The following PCDH15 variants were observed in gnomAD, a reference collection of about 807,000 sequenced individuals.
PCDH15 encodes the protein protocadherin related 15.
Under a neutral mutation model 178.5 loss-of-function variants are expected in PCDH15, and 129 were observed. The observed-to-expected ratio is 0.72, with a 90% CI of 0.63 to 0.84. The LOEUF is 0.84. Among genes scored for constraint, PCDH15 ranks in the 40% least tolerant of loss-of-function variants. The probability of loss-of-function intolerance (pLI) is 0.00; values close to 1 mark genes in which losing one functional copy is unlikely to be tolerated. For missense variants in PCDH15, 2,230 were observed against 2,099.9 expected (o/e 1.06, Z -1.21); for synonymous variants, 800 against 732.0 (o/e 1.09, Z -1.50).
intron 2 of PCDH15, among the ~76,000 whole-genome samples, chr10:54,978,144 A>T (rs2131900910): frequency 6.6e-6 from 1 of 152,272 alleles, no homozygotes; most frequent in Admixed American, 6.6e-5. Context: ...ATGAAATAAT[A>T]ATGTTATGAC....
intron 28 of PCDH15, among the ~76,000 whole-genome samples, chr10:53,841,709 G>A (rs1425308455): frequency 1.3e-5 from 2 of 152,012 alleles, no homozygotes; most frequent in South Asian, 2.1e-4. Context: ...ACCACTCCAC[G>A]CCCACTGGTC....
chr10:54,421,658 T>TGG lies in PCDH15; in HGVS notation c.158-42717_158-42716insCC, dbSNP rs1350830789. Among the ~76,000 whole-genome samples, 242 of 96,656 alleles carry TGG rather than the reference T, an allele frequency of 2.5e-3. 6 individuals carry two copies. The highest frequency in any genetic ancestry group is 7.1e-3 in the African/African-American group (176 of 24,882). The allele number at this position is 96,656 out of a possible 152,430, so 63.4% of individuals were successfully genotyped here. ...GCCTACATTTATATATGTACATGTG[T>TGG]AGTGTATATATACATATATATATAT... is the stretch of plus-strand genomic sequence containing the variant. On this transcript the variant is annotated intron_variant, in intron 3 of 37. Transcript: ENST00000644397.
chr10:55,545,404 T>C (rs1272116452), intron 2 of PCDH15, among the ~76,000 whole-genome samples: 1 of 152,052 alleles, frequency 6.6e-6, no homozygotes, highest in East Asian at 1.9e-4. Context: ...GCCTCCCTAG[T>C]AGCTGGGATT....
rs3070713 is a variant in PCDH15, at chr10:54,462,476, CTTTCT to C, written c.157+65331_157+65335del. On this transcript the variant is annotated intron_variant, in intron 3 of 37. Transcript: ENST00000644397. ...GCTCCTATTTGTTAATCCTTTCTTT[CTTTCT>C]TTTCTTTTCTTTTCTTTTTCTTTTT... Among the ~76,000 whole-genome samples, 163 of 123,924 alleles carry C rather than the reference CTTTCT, an allele frequency of 1.3e-3. 1 individual carries two copies. The highest frequency in any genetic ancestry group is 8.8e-3 in the Middle Eastern group (2 of 226). The allele number at this position is 123,924 out of a possible 152,430, so 81.3% of individuals were successfully genotyped here.
intron 29 of PCDH15, among the ~76,000 whole-genome samples, chr10:53,837,893 A>C (rs1291584481): frequency 1.3e-5 from 2 of 152,008 alleles, no homozygotes; most frequent in Non-Finnish European, 2.9e-5. Flanking sequence ...CAAGGTGAAG[A>C]CTGCTAAGGC....
At position 55,431,729 on chromosome 10, in the gene PCDH15, C is replaced by T. The variant is rs987168119; in HGVS notation, c.-156+195896G>A. Among the ~76,000 whole-genome samples, 64 of 152,136 alleles carry T rather than the reference C, an allele frequency of 4.2e-4. 1 individual carries two copies. Among genetic ancestry groups the T allele is most frequent in the African/African-American group, 1.4e-3 (60 of 41,508 alleles). On this transcript the variant is annotated intron_variant, in intron 2 of 5. Transcript: ENST00000613346. ...ATGTGTTTTCCAAAATTCTATGTTA[C>T]TTTTAATGGAATATTTCATGTATCC...
Position 54,648,987 on chromosome 10 carries a change from A to G in PCDH15, c.91+15185T>C, listed in dbSNP as rs558209922. 5.9e-5 allele frequency among the ~76,000 whole-genome samples: 9 copies of G among 152,268 alleles called. No homozygotes were observed. In the South Asian group the frequency reaches 1.9e-3, roughly 32 times the overall value. On this transcript the variant is annotated intron_variant, in intron 2 of 37. Transcript: ENST00000644397. ...ATCTCATCAGTATTCCAATTGTTCA[A>G]TGAAGAAACATATTAAATGCAAACT...
intron 1 of PCDH15, among the ~76,000 whole-genome samples, chr10:54,749,274 C>T (rs1055857590): frequency 1.2e-4 from 18 of 152,006 alleles, no homozygotes; most frequent in African/African-American, 3.4e-4. Context: ...AACATGATGA[C>T]GATTTGTAAA....
At chr10:54,966,045 GA>G (rs1196659139) in intron 2 of PCDH15, among the ~76,000 whole-genome samples, 1 of 151,286 alleles carries the variant, frequency 6.6e-6, no homozygotes, top group African/African-American at 2.4e-5. Context: ...TATTAAATGG[GA>G]ACAAGTAAAA....
chr10:53,833,088 A>G (rs2077106407), intron 29 of PCDH15, among the ~76,000 whole-genome samples: 1 of 152,070 alleles, frequency 6.6e-6, no homozygotes, highest in Non-Finnish European at 1.5e-5. Flanking sequence ...TGAATTGTTT[A>G]TTAGATAAAG....
chr10:54,739,353 A>G (rs1944493637), intron 1 of PCDH15, among the ~76,000 whole-genome samples: 1 of 152,034 alleles, frequency 6.6e-6, no homozygotes, highest in South Asian at 2.1e-4. Context: ...AAAACCCGGG[A>G]ATAAATTTAG....
chr10:54,744,742 T>G (rs1398109350), intron 1 of PCDH15, among the ~76,000 whole-genome samples: 1 of 152,124 alleles, frequency 6.6e-6, no homozygotes, highest in Non-Finnish European at 1.5e-5. Context: ...TTACAAAAAG[T>G]ATGTCTCCTT....
At chr10:54,331,754 C>T (rs533054957) in intron 6 of PCDH15, among the ~76,000 whole-genome samples, 1 of 152,160 alleles carries the variant, frequency 6.6e-6, no homozygotes, top group African/African-American at 2.4e-5. Flanking sequence ...AAAACTACCA[C>T]ATCTCTGGAC....
intron 2 of PCDH15, among the ~76,000 whole-genome samples, chr10:55,115,586 T>TG (rs1278019290): frequency 2.0e-5 from 3 of 152,354 alleles, no homozygotes; most frequent in South Asian, 4.1e-4. Flanking sequence ...AAGAGGTTCC[T>TG]GCTCCTTGGA....
At chr10:55,089,829 T>G (rs1842268187) in intron 2 of PCDH15, among the ~76,000 whole-genome samples, 1 of 152,112 alleles carries the variant, frequency 6.6e-6, no homozygotes, top group Admixed American at 6.6e-5. Context: ...TAGAGGCCAG[T>G]TTCCTGGAAG....
chr10:55,370,446 A>G (rs906093066), intron 2 of PCDH15, among the ~76,000 whole-genome samples: 4 of 152,088 alleles, frequency 2.6e-5, no homozygotes, highest in African/African-American at 9.7e-5. Context: ...TGACAGCCAA[A>G]TTGAAATATG....
intron 2 of PCDH15, among the ~76,000 whole-genome samples, chr10:55,368,536 T>G: frequency 6.6e-6 from 1 of 152,136 alleles, no homozygotes; most frequent in African/African-American, 2.4e-5. Flanking sequence ...CAACTATCTC[T>G]TAGAGTCACT....
At chr10:55,556,795 C>G (rs776056188) in intron 2 of PCDH15, among the ~76,000 whole-genome samples, 2 of 152,078 alleles carry the variant, frequency 1.3e-5, no homozygotes, top group Non-Finnish European at 2.9e-5. Flanking sequence ...GAGCCTAGAT[C>G]GCACCACTGT....
At chr10:54,579,540 G>T (rs1278453255) in intron 2 of PCDH15, among the ~76,000 whole-genome samples, 7 of 152,002 alleles carry the variant, frequency 4.6e-5, no homozygotes, top group African/African-American at 1.4e-4. Flanking sequence ...AATAATGGGA[G>T]ACCTCAACAC....
Sources: allele counts gnomAD v4.1 joint callset (sites outside exome capture counted in the v4.1 genomes callset), GRCh38; gene constraint gnomAD v4.1.1; transcripts MANE v1.5; gene names NCBI Gene and HGNC (gene_info 2026-07-23, HGNC 2026-07-21).